The following TANC2 variants were observed in gnomAD, a reference collection of about 807,000 sequenced individuals.
The protein encoded by TANC2 is tetratricopeptide repeat, ankyrin repeat and coiled-coil containing 2, also known as protein TANC2.
TANC2 carries 26 observed loss-of-function variants against 210.5 expected under a neutral mutation model. That is an observed-to-expected ratio of 0.12 (90% CI 0.09 to 0.17). The LOEUF is 0.17. Ranked by LOEUF, TANC2 falls within the 10% of genes least tolerant of loss-of-function variation. The pLI is 1.00. For missense variants in TANC2, 2,129 were observed against 2,608.9 expected, an observed-to-expected ratio of 0.82 and a Z score of 4.01; for synonymous variants, 931 against 967.1, an observed-to-expected ratio of 0.96 and a Z score of 0.69.
intron 4 of TANC2, among the ~76,000 whole-genome samples, chr17:63,101,276 A>G (rs1431047294): frequency 6.6e-6 from 1 of 152,242 alleles, no homozygotes. Context: ...AGCCGACCGT[A>G]AAGAAATTTT....
chr17:63,141,440 A>C lies in TANC2; in HGVS notation c.323-9830A>C, dbSNP rs552066243. ...AAATTAGCCCGGCATGGTGGTGCAC[A>C]GCTGTAATCCCAGCTACTCCAGAGG... On this transcript the variant is annotated intron_variant, in intron 4 of 27. Coordinates refer to ENST00000689528, the Ensembl canonical transcript of TANC2. 9.7e-5 allele frequency among the ~76,000 whole-genome samples: 14 copies of C among 144,536 alleles called. No individual in the cohort carries two copies. In the East Asian group the frequency reaches 3.1e-3, roughly 32 times the overall value. 94.8% of individuals were successfully genotyped at this position (144,536 alleles called of 152,430 possible). A position where few individuals can be genotyped will look rare whatever the true frequency, so the allele number is the denominator to read the frequency against.
intron 7 of TANC2, among the ~76,000 whole-genome samples, chr17:63,234,288 C>T (rs1177894738): frequency 1.3e-5 from 2 of 152,154 alleles, no homozygotes; most frequent in Non-Finnish European, 1.5e-5. Context: ...CAGAGCTTAG[C>T]TTATGTGTCT....
intron 5 of TANC2, among the ~76,000 whole-genome samples, chr17:63,167,589 C>T (rs1174186459): frequency 6.6e-6 from 1 of 151,952 alleles, no homozygotes; most frequent in Non-Finnish European, 1.5e-5. Context: ...TAGAAAACTA[C>T]ACTTACATAC....
chr17:63,352,124 A>T (rs970919508), intron 13 of TANC2, among the ~76,000 whole-genome samples: 1 of 152,102 alleles, frequency 6.6e-6, no homozygotes, highest in Non-Finnish European at 1.5e-5. Flanking sequence ...TTCTTTACAT[A>T]TTCACACTTG....
chr17:63,250,687 G>A (rs2043033578), intron 8 of TANC2, among the ~76,000 whole-genome samples: 1 of 152,076 alleles, frequency 6.6e-6, no homozygotes, highest in African/African-American at 2.4e-5. Flanking sequence ...TATTGAGCAG[G>A]TACTATATGC....
intron 14 of TANC2, among the ~76,000 whole-genome samples, chr17:63,358,374 A>ATGTGTGTGTGTGT (rs1555641202): frequency 1.1e-4 from 10 of 94,754 alleles, no homozygotes; most frequent in South Asian, 3.8e-4. Flanking sequence ...AGAGAGAGAG[A>ATGTGTGTGTGTGT]GAGTATGTGT....
chr17:63,419,273 G>A (rs1168286800), intron 27 of TANC2, among the ~76,000 whole-genome samples: 2 of 151,968 alleles, frequency 1.3e-5, no homozygotes, highest in Non-Finnish European at 2.9e-5. Flanking sequence ...AAATCTGACT[G>A]AAATTCTCCT....
At chr17:63,372,811 A>T (rs1344630764) in intron 14 of TANC2, among the ~76,000 whole-genome samples, 6 of 151,664 alleles carry the variant, frequency 4.0e-5, no homozygotes. Context: ...TGTGAAAATA[A>T]TTCTCTTCTG....
chr17:63,129,504 G>C (rs1053147458), intron 4 of TANC2, among the ~76,000 whole-genome samples: 1 of 152,084 alleles, frequency 6.6e-6, no homozygotes. Context: ...TAACTCCTGA[G>C]GTCAGGAGTT....
chr17:63,045,661 C>A (rs1478763866), intron 2 of TANC2, among the ~76,000 whole-genome samples: 1 of 151,946 alleles, frequency 6.6e-6, no homozygotes, highest in African/African-American at 2.4e-5. Context: ...ATTTTCCCCA[C>A]CATATTTGTT....
At chr17:62,981,569 G>A (rs931079173) in intron 1 of TANC2, among the ~76,000 whole-genome samples, 1 of 151,972 alleles carries the variant, frequency 6.6e-6, no homozygotes, top group African/African-American at 2.4e-5. Context: ...TATTGTTGTT[G>A]ACTGTATCTC....
chr17:62,978,451 A>T (rs1184668210), intron 1 of TANC2: 1 of 152,210 alleles, frequency 6.6e-6, no homozygotes, highest in Non-Finnish European at 1.5e-5. Context: ...GTTGATAGAC[A>T]AAAGTCTTTA....
chr17:63,068,188 A>G (rs2036270605), intron 2 of TANC2, among the ~76,000 whole-genome samples: 1 of 152,140 alleles, frequency 6.6e-6, no homozygotes, highest in Non-Finnish European at 1.5e-5. Flanking sequence ...ACAAGAATAT[A>G]CACACACCAA....
intron 5 of TANC2, among the ~76,000 whole-genome samples, chr17:63,180,154 T>C (rs2040731437): frequency 6.6e-6 from 1 of 151,890 alleles, no homozygotes; most frequent in Admixed American, 6.6e-5. Flanking sequence ...AAAACAAAAA[T>C]AATGGCTTCC....
At chr17:63,077,171 C>T (rs2036599467) in intron 3 of TANC2, among the ~76,000 whole-genome samples, 1 of 152,118 alleles carries the variant, frequency 6.6e-6, no homozygotes, top group Admixed American at 6.5e-5. Context: ...GTTGGCTTTG[C>T]ACTTCTCAGT....
chr17:62,991,588 C>T (rs1598203640), intron 1 of TANC2, among the ~76,000 whole-genome samples: 1 of 144,784 alleles, frequency 6.9e-6, no homozygotes, highest in Non-Finnish European at 1.5e-5. Flanking sequence ...TGCAGTGAGC[C>T]AAGATCACGC....
At chr17:63,372,105 A>C (rs1555645199) in intron 14 of TANC2, among the ~76,000 whole-genome samples, 1 of 152,158 alleles carries the variant, frequency 6.6e-6, no homozygotes, top group Non-Finnish European at 1.5e-5. Flanking sequence ...CTTTCTCCTA[A>C]AATATCTAAA....
At chr17:63,061,203 C>T (rs1203267789) in intron 2 of TANC2, among the ~76,000 whole-genome samples, 1 of 152,048 alleles carries the variant, frequency 6.6e-6, no homozygotes, top group African/African-American at 2.4e-5. Context: ...CTCGTCTCTA[C>T]TAAAAATACA....
chr17:63,066,022 C>T (rs1202211205), intron 2 of TANC2, among the ~76,000 whole-genome samples: 1 of 152,078 alleles, frequency 6.6e-6, no homozygotes, highest in Non-Finnish European at 1.5e-5. Flanking sequence ...AGTGATCCTC[C>T]TGCTTGTTGT....
Sources: allele counts gnomAD v4.1 joint callset (sites outside exome capture counted in the v4.1 genomes callset), GRCh38; gene constraint gnomAD v4.1.1; transcripts MANE v1.5; gene names NCBI Gene and HGNC (gene_info 2026-07-23, HGNC 2026-07-21).